The following SHISA9 variants were observed in gnomAD, a reference collection of about 807,000 sequenced individuals.
The protein encoded by SHISA9 is protein shisa-9.
In SHISA9, 13 loss-of-function variants were observed where a neutral mutation model predicts 38.0. That is an observed-to-expected ratio of 0.34 (90% CI 0.22 to 0.54). SHISA9 has a LOEUF of 0.54. Ranked by LOEUF, SHISA9 falls within the 20% of genes least tolerant of loss-of-function variation. The probability of loss-of-function intolerance (pLI) is 0.91; values close to 1 mark genes in which losing one functional copy is unlikely to be tolerated. For missense variants in SHISA9, 538 were observed against 575.8 expected (o/e 0.93, Z 0.67); for synonymous variants, 275 against 242.0 (o/e 1.14, Z -1.27).
intron 2 of SHISA9, among the ~76,000 whole-genome samples, chr16:12,958,149 T>A (rs1408851040): frequency 6.6e-6 from 1 of 152,272 alleles, no homozygotes; most frequent in African/African-American, 2.4e-5. Context: ...ACATCACTTC[T>A]GTGAATCTCC....
At chr16:13,336,785 C>T in the SHISA9 span, among the ~76,000 whole-genome samples, 1 of 152,038 alleles carries the variant, frequency 6.6e-6, no homozygotes, top group Non-Finnish European at 1.5e-5. Flanking sequence ...CATTCTAGAC[C>T]CTGGTTCTCT....
intron 2 of SHISA9, among the ~76,000 whole-genome samples, chr16:12,968,518 C>A (rs1367782874): frequency 6.6e-6 from 1 of 152,130 alleles, no homozygotes; most frequent in Non-Finnish European, 1.5e-5. Flanking sequence ...ACTAAAATAT[C>A]CATCAATGGC....
intron 2 of SHISA9, among the ~76,000 whole-genome samples, chr16:13,079,931 C>T (rs1489839903): frequency 3.3e-5 from 5 of 152,054 alleles, no homozygotes; most frequent in African/African-American, 9.7e-5. Context: ...CATTAGTGTT[C>T]GTTGATGCAA....
chr16:12,935,042 A>T (rs775164459), intron 2 of SHISA9, among the ~76,000 whole-genome samples: 2 of 152,130 alleles, frequency 1.3e-5, no homozygotes, highest in Non-Finnish European at 2.9e-5. Context: ...TGTCCATTCA[A>T]GTGTAAGATT....
intron 2 of SHISA9, among the ~76,000 whole-genome samples, chr16:13,071,378 T>C (rs1179894349): frequency 6.6e-6 from 1 of 152,178 alleles, no homozygotes; most frequent in Non-Finnish European, 1.5e-5. Context: ...GATTATTTGA[T>C]GGAATCCTTC....
intron 2 of SHISA9, among the ~76,000 whole-genome samples, chr16:12,927,183 C>CA (rs1394103457): frequency 1.3e-5 from 2 of 151,784 alleles, no homozygotes; most frequent in Admixed American, 6.6e-5. Flanking sequence ...AGGAAACTGC[C>CA]AAAAAGAAAA....
intron 4 of SHISA9, among the ~76,000 whole-genome samples, chr16:13,223,682 G>A (rs2051251543): frequency 1.3e-5 from 2 of 152,196 alleles, no homozygotes; most frequent in Non-Finnish European, 2.9e-5. Flanking sequence ...AATTTATAAA[G>A]GAAAGAGGTT....
At chr16:13,187,116 G>A (rs985712453) in intron 2 of SHISA9, among the ~76,000 whole-genome samples, 7 of 152,084 alleles carry the variant, frequency 4.6e-5, no homozygotes, top group African/African-American at 7.2e-5. Context: ...TGACTTCCCC[G>A]TTTCCCCCAT....
intron 2 of SHISA9, among the ~76,000 whole-genome samples, chr16:12,934,674 T>C (rs571701730): frequency 6.6e-6 from 1 of 152,312 alleles, no homozygotes; most frequent in East Asian, 1.9e-4. Context: ...GTTTGCCCTA[T>C]GGACATTTCA....
At chr16:13,392,865 C>T in the SHISA9 span, among the ~76,000 whole-genome samples, 3 of 152,286 alleles carry the variant, frequency 2.0e-5, no homozygotes, top group East Asian at 5.8e-4. Context: ...AAGGCAGAGG[C>T]CTGGAAGGGA....
At chr16:13,429,824 C>T in the SHISA9 span, among the ~76,000 whole-genome samples, 5 of 152,254 alleles carry the variant, frequency 3.3e-5, no homozygotes, top group Non-Finnish European at 7.4e-5. Context: ...TGATATTTGC[C>T]GTTTACCAAA....
chr16:12,938,690 A>G (rs275399), intron 2 of SHISA9, among the ~76,000 whole-genome samples: 102,887 of 151,710 alleles, frequency 0.68, 35,146 homozygotes, highest in East Asian at 0.75. Context: ...TTTAGTAGAG[A>G]GGGGGTTTCA....
At chr16:13,462,862 C>T in the SHISA9 span, among the ~76,000 whole-genome samples, 1 of 151,726 alleles carries the variant, frequency 6.6e-6, no homozygotes, top group Non-Finnish European at 1.5e-5. Context: ...CTCAGGAGGC[C>T]GAGGCAGGAG....
intron 2 of SHISA9, among the ~76,000 whole-genome samples, chr16:12,988,292 C>G (rs902207997): frequency 3.3e-5 from 5 of 152,292 alleles, no homozygotes; most frequent in African/African-American, 9.6e-5. Context: ...TTGAAGCTTA[C>G]TCACCAGCCT....
At chr16:13,110,650 A>G (rs2073969527) in intron 2 of SHISA9, among the ~76,000 whole-genome samples, 1 of 152,196 alleles carries the variant, frequency 6.6e-6, no homozygotes, top group South Asian at 2.1e-4. Context: ...CAGTCATCTG[A>G]TGGTGTGACA....
chr16:13,504,725 A>G, the SHISA9 span, among the ~76,000 whole-genome samples: 10 of 152,180 alleles, frequency 6.6e-5, no homozygotes, highest in Non-Finnish European at 1.5e-4. Flanking sequence ...ATGCCATAAT[A>G]ATGTATTCTG....
chr16:13,402,882 G>A, the SHISA9 span, among the ~76,000 whole-genome samples: 1 of 152,176 alleles, frequency 6.6e-6, no homozygotes, highest in East Asian at 1.9e-4. Flanking sequence ...ACTTTGGGAG[G>A]CCAAGGCGGG....
At chr16:13,390,393 G>A in the SHISA9 span, among the ~76,000 whole-genome samples, 1 of 152,142 alleles carries the variant, frequency 6.6e-6, no homozygotes, top group Non-Finnish European at 1.5e-5. Context: ...GCTCAGTTGT[G>A]TTGTGGTCCA....
the SHISA9 span, among the ~76,000 whole-genome samples, chr16:13,334,103 C>T: frequency 9.9e-5 from 15 of 152,266 alleles, no homozygotes; most frequent in African/African-American, 3.6e-4. Flanking sequence ...ACTTTGAGAC[C>T]GATGCTATCT....
Sources: gnomAD v4.1 joint callset for allele counts (sites outside exome capture counted in the v4.1 genomes callset) on GRCh38, gnomAD v4.1.1 for gene constraint, MANE v1.5 for transcripts, NCBI Gene and HGNC (gene_info 2026-07-23, HGNC 2026-07-21) for gene names.